The following TNS1 variants were observed in gnomAD, a reference collection of about 807,000 sequenced individuals.
TNS1 encodes tensin 1, also known as tensin-1.
In TNS1, 62 loss-of-function variants were observed where a neutral mutation model predicts 168.6. That is an observed-to-expected ratio of 0.37 (90% confidence interval 0.30 to 0.45). The LOEUF is 0.45. Ranked by LOEUF, TNS1 falls within the 20% of genes least tolerant of loss-of-function variation. The pLI, the probability that TNS1 is intolerant of heterozygous loss-of-function variation, is 1.00. For missense variants in TNS1, 2,240 were observed against 2,339.4 expected (o/e 0.96, Z 0.88); for synonymous variants, 934 against 933.2 (o/e 1.00, Z -0.02).
At chr2:217,805,240 G>A (rs1365182355) in intron 32 of TNS1, among the ~76,000 whole-genome samples, 2 of 151,732 alleles carry the variant, frequency 1.3e-5, no homozygotes, top group Non-Finnish European at 2.9e-5. Flanking sequence ...AAATATGAGG[G>A]CAGAGAACAG....
chr2:217,859,423 A>G, intron 18 of TNS1: 1 of 519,304 alleles, frequency 1.9e-6, no homozygotes. Flanking sequence ...GGCTTGGAAA[A>G]GGAAAAAGAA....
chr2:217,956,503 G>A (rs1417341709), intron 3 of TNS1, among the ~76,000 whole-genome samples: 1 of 152,180 alleles, frequency 6.6e-6, no homozygotes, highest in East Asian at 1.9e-4. Context: ...AAGGCTGCGG[G>A]GAGAGGATGG....
At chr2:217,858,205 A>G (rs996725194) in intron 18 of TNS1, among the ~76,000 whole-genome samples, 3 of 152,036 alleles carry the variant, frequency 2.0e-5, no homozygotes, top group Admixed American at 2.0e-4. Context: ...CAACTCAGAC[A>G]CACGGCCCCC....
chr2:217,885,861 G>A (rs749937823), intron 14 of TNS1, 42 bp from the exon 15 acceptor site: 14 of 1,602,878 alleles, frequency 8.7e-6, no homozygotes, highest in South Asian at 1.1e-5. Flanking sequence ...GGCTGCTGGA[G>A]GGGAGATGAG....
chr2:217,904,288 G>T (rs1953391623), intron 6 of TNS1, among the ~76,000 whole-genome samples: 1 of 152,182 alleles, frequency 6.6e-6, no homozygotes, highest in East Asian at 1.9e-4. Flanking sequence ...AGCCATTCCT[G>T]CCTGTGAGTC....
At chr2:217,908,214 A>G (rs1953933541) in intron 4 of TNS1, among the ~76,000 whole-genome samples, 1 of 151,866 alleles carries the variant, frequency 6.6e-6, no homozygotes, top group Non-Finnish European at 1.5e-5. Flanking sequence ...CCCATCCCTC[A>G]CTCTGGCACC....
At chr2:217,895,499 C>T (rs1291465563) in intron 8 of TNS1, among the ~76,000 whole-genome samples, 4 of 152,240 alleles carry the variant, frequency 2.6e-5, no homozygotes, top group Admixed American at 2.6e-4. Flanking sequence ...CCTCTCACCA[C>T]ACCGAACGGG....
chr2:217,961,260 C>CAGAGAGAGAGAG lies in TNS1; in HGVS notation c.186+17493_186+17504dup, dbSNP rs139190494. 5.6e-3 allele frequency among the ~76,000 whole-genome samples: 781 copies of CAGAGAGAGAGAG among 139,770 alleles called. 3 individuals are homozygous for CAGAGAGAGAGAG. The highest frequency in any genetic ancestry group is 6.0e-3 in the Admixed American group (86 of 14,262). The allele number at this position is 139,770 out of a possible 152,430, so 91.7% of individuals were successfully genotyped here. On this transcript the variant is annotated intron_variant, in intron 3 of 32. Coordinates refer to ENST00000682258, the MANE Select transcript of TNS1 (RefSeq NM_001387777.1). ...TCACACACACACACACACACACACA[C>CAGAGAGAGAGAG]AGAGAGAGAGAGAGAGAGAGGCTGA...
At chr2:217,905,624 G>A (rs1026093007) in intron 6 of TNS1, among the ~76,000 whole-genome samples, 18 of 152,314 alleles carry the variant, frequency 1.2e-4, no homozygotes, top group Admixed American at 9.8e-4. Flanking sequence ...GGGTGAAGAC[G>A]GAGGGGCCAG....
chr2:217,828,525 AG>A (rs1234022872), intron 22 of TNS1, among the ~76,000 whole-genome samples: 2 of 152,126 alleles, frequency 1.3e-5, no homozygotes, highest in African/African-American at 4.8e-5. Flanking sequence ...CATCTTCCTG[AG>A]GGGGGGATGC....
intron 3 of TNS1, among the ~76,000 whole-genome samples, chr2:217,955,188 C>G (rs1039354169): frequency 3.3e-5 from 5 of 152,230 alleles, no homozygotes; most frequent in African/African-American, 9.6e-5. Flanking sequence ...CACGTTCCAG[C>G]CTCAGTGTCT....
At chr2:217,827,928 C>G (rs976483676) in intron 22 of TNS1, among the ~76,000 whole-genome samples, 1 of 152,230 alleles carries the variant, frequency 6.6e-6, no homozygotes, top group Non-Finnish European at 1.5e-5. Context: ...GCTGGATAAT[C>G]CACCCCATGG....
chr2:217,921,433 G>C (rs568888553), intron 3 of TNS1, among the ~76,000 whole-genome samples: 1 of 152,332 alleles, frequency 6.6e-6, no homozygotes, highest in Non-Finnish European at 1.5e-5. Context: ...GTACTGACTG[G>C]GCATTGGGCA....
Position 217,834,964 on chromosome 2 carries a change from G to A in TNS1, c.3280+127C>T, listed in dbSNP as rs528898707. The A allele has an allele frequency of 1.3e-5, 9 of 698,338 alleles. No homozygotes were observed. In the East Asian group the frequency reaches 2.7e-4, roughly 21 times the overall value. The allele number at this position is 698,338 out of a possible 1,614,324, so 43.3% of individuals were successfully genotyped here. ...GAAGGGGCCATGGGAGTGAGGAGCA[G>A]CACGTTCTGGCCCCACCTGGGGCAC... On this transcript the variant is annotated intron_variant, in intron 21 of 32. Coordinates refer to ENST00000682258, the MANE Select transcript of TNS1 (RefSeq NM_001387777.1).
chr2:217,808,231 T>C lies in TNS1; in HGVS notation c.5343-124A>G, dbSNP rs572059612. ...GGAGCTGCCCCCCATTCCCCCCTCA[T>C]TCCCCCATTCCCCCATTCCCCAGGG... On this transcript the variant is annotated intron_variant, in intron 31 of 32. Coordinates refer to ENST00000682258, the MANE Select transcript of TNS1 (RefSeq NM_001387777.1). The C allele has an allele frequency of 2.4e-4, 204 of 867,800 alleles. 1 individual carries two copies. Among genetic ancestry groups the C allele is most frequent in the South Asian group, 1.9e-3 (122 of 63,550 alleles). The allele number at this position is 867,800 out of a possible 1,614,324, so 53.8% of individuals were successfully genotyped here.
chr2:217,859,552 T>C (rs1200845882), intron 18 of TNS1: 4 of 1,255,330 alleles, frequency 3.2e-6, no homozygotes, highest in African/African-American at 1.5e-5. Context: ...AAGTTCTCAG[T>C]GCAAAGCTTT....
intron 32 of TNS1, among the ~76,000 whole-genome samples, chr2:217,804,832 G>A (rs1938143015): frequency 6.6e-6 from 1 of 152,182 alleles, no homozygotes; most frequent in Non-Finnish European, 1.5e-5. Flanking sequence ...AGGGTGGGCA[G>A]AAATCCCCTT....
At chr2:217,805,504 C>CACACA (rs1559131932) in intron 32 of TNS1, among the ~76,000 whole-genome samples, 1 of 58,202 alleles carries the variant, frequency 1.7e-5, no homozygotes, top group Non-Finnish European at 3.0e-5. Context: ...ACCACACACA[C>CACACA]CACCACACAC....
chr2:217,863,481 T>C (rs1049784287), intron 18 of TNS1, among the ~76,000 whole-genome samples: 3 of 152,216 alleles, frequency 2.0e-5, no homozygotes, highest in African/African-American at 7.2e-5. Context: ...CAAGCAATTG[T>C]ATTGGTCCCA....
Sources: allele counts gnomAD v4.1 joint callset (sites outside exome capture counted in the v4.1 genomes callset), GRCh38; gene constraint gnomAD v4.1.1; transcripts MANE v1.5; gene names NCBI Gene and HGNC (gene_info 2026-07-23, HGNC 2026-07-21).